The following PPT1 variants were observed in gnomAD, a reference collection of about 807,000 sequenced individuals.
PPT1 encodes ceroid-palmitoyl-palmitoyl-protein thioesterase 1.
A neutral mutation model predicts 44.0 loss-of-function variants in PPT1; 24 were observed. That is an observed-to-expected ratio of 0.54 (90% CI 0.39 to 0.77). The LOEUF is 0.77. Among genes scored for constraint, PPT1 ranks in the 30% least tolerant of loss-of-function variants. PPT1 has a pLI of 0.00. For missense variants in PPT1, 341 were observed against 378.8 expected (o/e 0.90, Z 0.83); for synonymous variants, 148 against 140.2 (o/e 1.06, Z -0.39).
chr1:40,096,794 C>G (rs750220108), intron 1 of PPT1: 3 of 387,834 alleles, frequency 7.7e-6, no homozygotes, highest in Admixed American at 4.1e-5. Context: ...AGTCATATAG[C>G]CAGCCGCAGC....
chr1:40,092,255 G>T (rs1200734850), intron 2 of PPT1, 83 bp from the exon 3 acceptor site: 20 of 1,590,008 alleles, frequency 1.3e-5, no homozygotes, highest in Non-Finnish European at 1.7e-5. Flanking sequence ...ACTCATTTAG[G>T]TTGGTATCCT....
chr1:40,092,488 G>C lies in PPT1; in HGVS notation c.144C>G (p.Pro48=). The change falls in exon 2 of 9, where the codon CCC becomes CCG. Residue 48 remains proline, a synonymous_variant. Coordinates refer to ENST00000642050, the MANE Select transcript of PPT1 (RefSeq NM_000310.4). ...TTTTTTTAATAGCACCCATGCTTAA[G>C]GGATTGCAACAGCTGTCTCCTAGCC... is the stretch of plus-strand genomic sequence containing the variant. ...WHGMGDSCCN[P]LSMGAIKKMV... is the part of the protein sequence containing the mutation. 6.2e-7 allele frequency: 1 copy of C among 1,613,000 alleles called. No individual in the cohort carries two copies. Among genetic ancestry groups the C allele is most frequent in the African/African-American group, 1.3e-5 (1 of 75,012 alleles).
Position 40,097,224 on chromosome 1 carries a change from G to A in PPT1, c.15C>T (p.Gly5=), listed in dbSNP as rs749621114. The change falls in exon 1 of 9, where the codon GGC becomes GGT. Residue 5 remains glycine, a synonymous_variant. Coordinates refer to ENST00000642050, the MANE Select transcript of PPT1 (RefSeq NM_000310.4). MASP[G]CLWLLAVALL... ...GAGCCACAGCCAAGAGCCACAGGCA[G>A]CCGGGCGACGCCATCTTCGCTGTGT... 9 of 1,613,846 alleles carry A rather than the reference G, an allele frequency of 5.6e-6. No individual in the cohort carries two copies. The highest frequency in any genetic ancestry group is 3.3e-5 in the South Asian group (3 of 91,084).
At chr1:40,089,556 T>A (rs1252956951) in intron 4 of PPT1, 44 bp from the exon 5 acceptor site, 2 of 1,386,960 alleles carry the variant, frequency 1.4e-6, no homozygotes, top group Non-Finnish European at 2.1e-6. Flanking sequence ...AATAATGATG[T>A]ATCGAATACC....
chr1:40,093,746 G>A (rs1182311802), intron 1 of PPT1, among the ~76,000 whole-genome samples: 1 of 113,900 alleles, frequency 8.8e-6, no homozygotes, highest in African/African-American at 3.0e-5. Flanking sequence ...TTAGCCGGGT[G>A]TGGTGGCACA....
chr1:40,075,896 G>A (rs987312244), intron 8 of PPT1, among the ~76,000 whole-genome samples: 1 of 145,796 alleles, frequency 6.9e-6, no homozygotes, highest in South Asian at 2.2e-4. Context: ...AGGAGGTGGA[G>A]GCTGCAGTGA....
chr1:40,087,971 G>T (rs1557711579), intron 5 of PPT1, among the ~76,000 whole-genome samples: 1 of 152,106 alleles, frequency 6.6e-6, no homozygotes, highest in Non-Finnish European at 1.5e-5. Context: ...TTAGCTGTAG[G>T]TGGTTACAAC....
intron 1 of PPT1, among the ~76,000 whole-genome samples, chr1:40,093,541 A>G (rs1329689747): frequency 6.6e-6 from 1 of 152,220 alleles, no homozygotes; most frequent in East Asian, 1.9e-4. Flanking sequence ...AAAACAGAAG[A>G]AAGAACATTT....
intron 7 of PPT1, among the ~76,000 whole-genome samples, chr1:40,077,309 C>T (rs1194532289): frequency 2.0e-5 from 3 of 152,166 alleles, no homozygotes; most frequent in Admixed American, 6.6e-5. Flanking sequence ...AGGCCAGATA[C>T]AAAATATTTT....
At chr1:40,083,795 A>G (rs1361917636) in intron 5 of PPT1, among the ~76,000 whole-genome samples, 1 of 152,094 alleles carries the variant, frequency 6.6e-6, no homozygotes, top group African/African-American at 2.4e-5. Context: ...GCTGGGTACC[A>G]TGCACTTTGG....
Position 40,075,983 on chromosome 1 carries a change from A to C in PPT1, c.798+859T>G, listed in dbSNP as rs1007927067. ...CAAAAAAAAAAAAAAAAAAAAAAAA[A>C]AAAAAAAATCCTTAAAGTGTAGAAG... On this transcript the variant is annotated intron_variant, in intron 8 of 8. Coordinates refer to ENST00000642050, the MANE Select transcript of PPT1 (RefSeq NM_000310.4). Among the ~76,000 whole-genome samples, 67 of 149,658 alleles carry C rather than the reference A, an allele frequency of 4.5e-4. 1 individual carries two copies. The highest frequency in any genetic ancestry group is 7.5e-5 in the Non-Finnish European group (5 of 67,108).
intron 5 of PPT1, among the ~76,000 whole-genome samples, chr1:40,081,511 T>C (rs900478825): frequency 5.9e-5 from 9 of 151,582 alleles, no homozygotes; most frequent in African/African-American, 1.9e-4. Flanking sequence ...CACTCCAGCC[T>C]GGGAGACAGA....
rs754726860 is a variant in PPT1 at position 40,092,484 on chromosome 1, T to G, written c.148A>C (p.Ser50Arg). The G allele has an allele frequency of 6.2e-7, 1 of 1,613,482 alleles. No homozygotes were observed. The highest frequency in any genetic ancestry group is 8.5e-7 in the Non-Finnish European group (1 of 1,179,386). The change falls in exon 2 of 9, where the codon AGC (serine) becomes CGC (arginine). Residue 50 changes from serine (S) to arginine (R), a missense_variant. By Grantham distance (110) the Ser-to-Arg change is moderately radical. Transcript: ENST00000642050. ...GMGDSCCNPLSMGAIKKMVEK... is the reference protein window; with the variant it reads ...GMGDSCCNPLRMGAIKKMVEK... Reference sequence around the variant, plus strand: ...ACCATTTTTTTAATAGCACCCATGCTTAAGGGATTGCAACAGCTGTCTCCT... The same window carrying G: ...ACCATTTTTTTAATAGCACCCATGCGTAAGGGATTGCAACAGCTGTCTCCT...
Position 40,074,181 on chromosome 1 carries a change from G to T in PPT1, c.801C>A (p.Asp267Glu), listed in dbSNP as rs1301582755. The T allele has an allele frequency of 6.2e-7, 1 of 1,614,152 alleles. No homozygotes were observed. Residue 267 changes from aspartate to glutamate, a missense_variant and splice_region_variant, in exon 9 of 9, where the codon GAC becomes GAA. Transcript: ENST00000642050. ...PLQETSLYTQ[D>E]RLGLKEMDNA... ...TGTCCATTTCCTTTAGCCCCAGGCGGTCCTGCAGAAGGAAAGGCCATAATT... is the reference window on the plus strand; with the variant it reads ...TGTCCATTTCCTTTAGCCCCAGGCGTTCCTGCAGAAGGAAAGGCCATAATT...
At chr1:40,075,793 G>A (rs146582046) in intron 8 of PPT1, among the ~76,000 whole-genome samples, 27 of 148,130 alleles carry the variant, frequency 1.8e-4, no homozygotes, top group South Asian at 1.1e-3. Context: ...GTGAAACCCC[G>A]TCTCTACTAA....
intron 1 of PPT1, among the ~76,000 whole-genome samples, chr1:40,094,575 A>G (rs765704049): frequency 6.6e-6 from 1 of 152,166 alleles, no homozygotes; most frequent in Non-Finnish European, 1.5e-5. Context: ...TTAAATTTGC[A>G]CTTCAGGAGC....
At chr1:40,072,090 T>G (rs1648149888), downstream of PPT1, 1 of 402,244 alleles carries the variant, frequency 2.5e-6, no homozygotes, top group South Asian at 1.2e-4. Flanking sequence ...ATTCCTTTTA[T>G]TCTCTATTCT....
At chr1:40,095,925 A>T (rs115029997) in intron 1 of PPT1, among the ~76,000 whole-genome samples, 3,336 of 152,270 alleles carry the variant, frequency 0.022, 118 homozygotes, top group African/African-American at 0.076. Context: ...TCCCTGCATT[A>T]GTCTTACTAG....
At chr1:40,081,812 G>A (rs1648958197) in intron 5 of PPT1, among the ~76,000 whole-genome samples, 1 of 152,166 alleles carries the variant, frequency 6.6e-6, no homozygotes, top group Non-Finnish European at 1.5e-5. Flanking sequence ...TACCCAAAAT[G>A]TGGAAGTGAC....
Sources: allele counts gnomAD v4.1 joint callset (sites outside exome capture counted in the v4.1 genomes callset), GRCh38; gene constraint gnomAD v4.1.1; transcripts MANE v1.5; gene names NCBI Gene and HGNC (gene_info 2026-07-23, HGNC 2026-07-21).